MIPOL1: variants seen among roughly 807,000 people sequenced by gnomAD.
MIPOL1 encodes mirror-image polydactyly 1.
A neutral mutation model predicts 60.9 loss-of-function variants in MIPOL1; 57 were observed. That is an observed-to-expected ratio of 0.94 (90% CI 0.76 to 1.17). The LOEUF (loss-of-function observed/expected upper bound fraction) is 1.17. MIPOL1 is among the 50% of genes most tolerant of loss of function. The pLI is 0.00. For synonymous variants in MIPOL1, 179 were observed against 168.8 expected, an observed-to-expected ratio of 1.06 and a Z score of -0.47; for missense variants, 551 against 511.6, an observed-to-expected ratio of 1.08 and a Z score of -0.74.
chr14:37,458,596 A>T (rs1435658636), intron 11 of MIPOL1, among the ~76,000 whole-genome samples: 1 of 152,044 alleles, frequency 6.6e-6, no homozygotes, highest in Non-Finnish European at 1.5e-5. Context: ...AAGTGAGAGG[A>T]TCACTTGAAG....
intron 1 of MIPOL1, among the ~76,000 whole-genome samples, chr14:37,221,900 T>G (rs1005364662): frequency 2.0e-5 from 3 of 152,140 alleles, no homozygotes; most frequent in Non-Finnish European, 4.4e-5. Context: ...ACTCATGTTC[T>G]TCTCATAAAC....
At chr14:37,297,727 A>G (rs1289283753) in intron 7 of MIPOL1, among the ~76,000 whole-genome samples, 2 of 152,110 alleles carry the variant, frequency 1.3e-5, no homozygotes, top group African/African-American at 4.8e-5. Flanking sequence ...AGAATAAAAT[A>G]CCTAGGAATC....
chr14:37,503,820 TAA>T (rs1176432425), intron 12 of MIPOL1: 2 of 152,120 alleles, frequency 1.3e-5, no homozygotes, highest in Non-Finnish European at 2.9e-5. Context: ...GCAAATTGGA[TAA>T]AGAGTCAAGA....
At chr14:37,281,596 G>A (rs1833211474) in intron 6 of MIPOL1, among the ~76,000 whole-genome samples, 1 of 152,062 alleles carries the variant, frequency 6.6e-6, no homozygotes, top group African/African-American at 2.4e-5. Context: ...GTAGATATGG[G>A]GTTTTGCCAT....
intron 10 of MIPOL1, among the ~76,000 whole-genome samples, chr14:37,393,357 T>C (rs1183498498): frequency 6.7e-6 from 1 of 149,596 alleles, no homozygotes; most frequent in Non-Finnish European, 1.5e-5. Flanking sequence ...TTCTAAAACA[T>C]TCTTATTTTC....
rs184890658 is a variant in MIPOL1, at chr14:37,299,735, G to A, written c.624-8321G>A. Among the ~76,000 whole-genome samples, 188 of 152,080 alleles carry A rather than the reference G, an allele frequency of 1.2e-3. 1 individual carries two copies. The highest frequency in any genetic ancestry group is 3.9e-3 in the African/African-American group (163 of 41,508). Reference sequence around the variant, plus strand: ...TAAATTACCATGATACTTTTGTCACGGGGAGAATTCAGTATTGTTACATAA... The same window carrying A: ...TAAATTACCATGATACTTTTGTCACAGGGAGAATTCAGTATTGTTACATAA... On this transcript the variant is annotated intron_variant, in intron 7 of 12. Coordinates refer to ENST00000684589, the MANE Select transcript of MIPOL1 (RefSeq NM_001388067.1).
intron 12 of MIPOL1, chr14:37,504,932 T>C (rs1230244684): frequency 6.6e-6 from 1 of 151,888 alleles, no homozygotes; most frequent in East Asian, 1.9e-4. Context: ...TCACCACCAA[T>C]CCCACAGAAA....
intron 11 of MIPOL1, among the ~76,000 whole-genome samples, chr14:37,452,048 C>T (rs976539154): frequency 4.7e-4 from 72 of 151,752 alleles, no homozygotes; most frequent in Middle Eastern, 6.8e-3. Context: ...ATCTCCTGAC[C>T]TCGTGATCCG....
At chr14:37,286,623 T>C (rs953213549) in intron 7 of MIPOL1, among the ~76,000 whole-genome samples, 1 of 152,224 alleles carries the variant, frequency 6.6e-6, no homozygotes, top group Non-Finnish European at 1.5e-5. Context: ...AATTAAAACA[T>C]GGTTCACTGG....
chr14:37,309,451 T>G (rs2087103327), intron 9 of MIPOL1, among the ~76,000 whole-genome samples: 1 of 152,122 alleles, frequency 6.6e-6, no homozygotes, highest in South Asian at 2.1e-4. Context: ...TTCAGCCTAC[T>G]CCTGTCATAA....
At chr14:37,473,118 T>C (rs2094714310) in intron 11 of MIPOL1, among the ~76,000 whole-genome samples, 1 of 152,170 alleles carries the variant, frequency 6.6e-6, no homozygotes, top group Non-Finnish European at 1.5e-5. Context: ...CGTGATCGAC[T>C]TGGTGCCTTT....
intron 12 of MIPOL1, among the ~76,000 whole-genome samples, chr14:37,532,254 T>G (rs116285394): frequency 1.3e-5 from 2 of 152,178 alleles, no homozygotes; most frequent in Non-Finnish European, 2.9e-5. Context: ...ATAAGTGTAA[T>G]TCACACTTAA....
chr14:37,394,057 C>CATATAT (rs56361320), intron 10 of MIPOL1, among the ~76,000 whole-genome samples: 10,918 of 73,018 alleles, frequency 0.15, 1,543 homozygotes, highest in East Asian at 0.28. Flanking sequence ...TTAGTAGTGG[C>CATATAT]ATATATATAT....
intron 3 of MIPOL1, among the ~76,000 whole-genome samples, chr14:37,259,575 AC>A (rs1271213810): frequency 6.6e-6 from 1 of 151,906 alleles, no homozygotes; most frequent in Non-Finnish European, 1.5e-5. Context: ...TTAAAAAAAA[AC>A]AAAAAAAACA....
chr14:37,283,421 T>C (rs1026803085), intron 6 of MIPOL1, among the ~76,000 whole-genome samples: 1 of 152,150 alleles, frequency 6.6e-6, no homozygotes, highest in African/African-American at 2.4e-5. Context: ...TGATAAACTA[T>C]TATTAATATA....
At chr14:37,426,011 A>G (rs372586021) in intron 11 of MIPOL1, among the ~76,000 whole-genome samples, 13 of 152,288 alleles carry the variant, frequency 8.5e-5, no homozygotes, top group African/African-American at 3.1e-4. Context: ...GGTGGTAATG[A>G]TAATTGAGAA....
At chr14:37,245,215 A>T (rs1973003834) in intron 1 of MIPOL1, among the ~76,000 whole-genome samples, 2 of 152,164 alleles carry the variant, frequency 1.3e-5, no homozygotes, top group African/African-American at 4.8e-5. Flanking sequence ...GAATTTAAGT[A>T]AAGTTGGTGA....
chr14:37,289,513 A>C (rs1420608693), intron 7 of MIPOL1, among the ~76,000 whole-genome samples: 1 of 152,202 alleles, frequency 6.6e-6, no homozygotes, highest in Non-Finnish European at 1.5e-5. Context: ...AGCTCACAGA[A>C]CTCAGGGAAT....
chr14:37,229,702 A>AT (rs1555363712), intron 1 of MIPOL1, among the ~76,000 whole-genome samples: 2 of 152,146 alleles, frequency 1.3e-5, no homozygotes, highest in Non-Finnish European at 2.9e-5. Flanking sequence ...CTGGTGATTG[A>AT]TTTTAGGGGC....
Sources: allele counts gnomAD v4.1 joint callset (sites outside exome capture counted in the v4.1 genomes callset), GRCh38; gene constraint gnomAD v4.1.1; transcripts MANE v1.5; gene names NCBI Gene and HGNC (gene_info 2026-07-23, HGNC 2026-07-21).